CNOT10: variants seen among roughly 807,000 people sequenced by gnomAD.
CNOT10 encodes the protein CCR4-NOT transcription complex, subunit 10.
CNOT10 carries 30 observed loss-of-function variants against 94.6 expected under a neutral mutation model. The observed-to-expected ratio is 0.32, with a 90% CI of 0.24 to 0.43. The LOEUF is 0.43. Ranked by LOEUF, CNOT10 falls within the 20% of genes least tolerant of loss-of-function variation. The probability of loss-of-function intolerance (pLI) is 1.00; values close to 1 mark genes in which losing one functional copy is unlikely to be tolerated. For synonymous variants in CNOT10, 289 were observed against 301.6 expected, an observed-to-expected ratio of 0.96 and a Z score of 0.43; for missense variants, 759 against 877.2, an observed-to-expected ratio of 0.87 and a Z score of 1.70.
chr3:32,753,969 T>C, intron 13 of CNOT10: 1 of 778,802 alleles, frequency 1.3e-6, no homozygotes, highest in South Asian at 1.9e-5. Flanking sequence ...TGGAGGTGCA[T>C]GCTTGTAATC....
chr3:32,730,058 G>A (rs1412674702), intron 10 of CNOT10, among the ~76,000 whole-genome samples: 5 of 151,980 alleles, frequency 3.3e-5, no homozygotes, highest in Non-Finnish European at 2.9e-5. Flanking sequence ...GTGAGCCACC[G>A]CGCCCGGCCC....
At chr3:32,710,197 G>A (rs555557711) in intron 4 of CNOT10, among the ~76,000 whole-genome samples, 90 of 146,144 alleles carry the variant, frequency 6.2e-4, no homozygotes, top group African/African-American at 2.2e-3. Flanking sequence ...ATGAAATCCT[G>A]TTAATCTGCA....
At chr3:32,706,715 G>C (rs1575217634) in intron 3 of CNOT10, among the ~76,000 whole-genome samples, 2 of 152,244 alleles carry the variant, frequency 1.3e-5, no homozygotes, top group South Asian at 4.1e-4. Flanking sequence ...AGCTTTTCTG[G>C]CTAAACTCTT....
intron 12 of CNOT10, among the ~76,000 whole-genome samples, chr3:32,735,703 C>G (rs1417492549): frequency 6.6e-6 from 1 of 152,098 alleles, no homozygotes; most frequent in Non-Finnish European, 1.5e-5. Flanking sequence ...GAATGAGACT[C>G]CATCTCAAAA....
intron 4 of CNOT10, among the ~76,000 whole-genome samples, chr3:32,710,642 A>G (rs1295705320): frequency 6.6e-6 from 1 of 152,016 alleles, no homozygotes; most frequent in Non-Finnish European, 1.5e-5. Context: ...TCTACCTATA[A>G]CCACTGATCT....
chr3:32,720,169 G>T lies in CNOT10; in HGVS notation c.800G>T (p.Arg267Leu). 6.4e-7 allele frequency: 1 copy of T among 1,556,728 alleles called. No homozygotes were observed. Among genetic ancestry groups the T allele is most frequent in the South Asian group, 1.2e-5 (1 of 83,274 alleles). The stretch of plus-strand genomic sequence containing the variant: ...TTTGAGTACTTAAGAGGTAATTATC[G>T]AAAAGCCGTGAAGCTATTAAATAGT... Reference protein sequence around the residue: ...SNFEYLRGNYRKAVKLLNSSN... With the variant: ...SNFEYLRGNYLKAVKLLNSSN... Residue 267 changes from arginine (R) to leucine (L), a missense_variant, in exon 8 of 19, where the codon CGA becomes CTA. By Grantham distance (102) the Arg-to-Leu change is moderately radical (BLOSUM62 -2). This residue lies in a region of CNOT10 where 682 missense variants were observed against 799.4 expected (regional missense o/e 0.85). Coordinates refer to ENST00000328834, the MANE Select transcript of CNOT10 (RefSeq NM_015442.3).
At position 32,717,254 on chromosome 3, in the gene CNOT10, C is replaced by G; in HGVS notation, c.744+17C>G. The G allele has an allele frequency of 6.6e-7, 1 of 1,526,132 alleles. No individual in the cohort carries two copies. The highest frequency in any genetic ancestry group is 9.0e-7 in the Non-Finnish European group (1 of 1,108,190). The allele number at this position is 1,526,132 out of a possible 1,614,324, so 94.5% of individuals were successfully genotyped here. On this transcript the variant is annotated intron_variant, in intron 7 of 18. Coordinates refer to ENST00000328834, the MANE Select transcript of CNOT10 (RefSeq NM_015442.3). ...GCTGGAAATGTAAGTTTCTTCTGGACTTTTGTTTTTCAATTTGTGTCTTTC... is the reference window on the plus strand; with the variant it reads ...GCTGGAAATGTAAGTTTCTTCTGGAGTTTTGTTTTTCAATTTGTGTCTTTC...
intron 1 of CNOT10, chr3:32,695,430 T>A: frequency 2.9e-6 from 2 of 695,884 alleles, no homozygotes; most frequent in Non-Finnish European, 4.3e-6. Flanking sequence ...TTGGAAAAGT[T>A]TTCTTTTCTT....
chr3:32,727,905 C>G (rs770499445), intron 10 of CNOT10, 35 bp downstream of exon 10: 2 of 1,434,104 alleles, frequency 1.4e-6, no homozygotes, highest in Admixed American at 1.9e-5. Context: ...TAAACCCTGT[C>G]TTCTCCCCAC....
chr3:32,723,253 T>TCC (rs2125555828), intron 8 of CNOT10, among the ~76,000 whole-genome samples: 1 of 151,396 alleles, frequency 6.6e-6, no homozygotes, highest in South Asian at 2.1e-4. Flanking sequence ...ATTAGCCAGG[T>TCC]GTGGTGGCGG....
Position 32,754,637 on chromosome 3 carries a change from G to A in CNOT10, c.1596-4821G>A, listed in dbSNP as rs370627937. ...CGGGTTCAAGCAATTCTTCTGCCTCGACCTCCTGAGTAGCTGGGACTACAG... is the reference window on the plus strand; with the variant it reads ...CGGGTTCAAGCAATTCTTCTGCCTCAACCTCCTGAGTAGCTGGGACTACAG... On this transcript the variant is annotated intron_variant, in intron 13 of 18. Coordinates refer to ENST00000328834, the MANE Select transcript of CNOT10 (RefSeq NM_015442.3). Among the ~76,000 whole-genome samples, 24 of 137,384 alleles carry A rather than the reference G, an allele frequency of 1.7e-4. 1 individual carries two copies. The East Asian group carries it at 4.1e-3, about 23-fold the overall frequency. The allele number at this position is 137,384 out of a possible 152,430, so 90.1% of individuals were successfully genotyped here.
chr3:32,714,594 AACT>A (rs1420572822), intron 5 of CNOT10, among the ~76,000 whole-genome samples: 2 of 152,148 alleles, frequency 1.3e-5, no homozygotes, highest in Admixed American at 6.5e-5. Context: ...CTGTAATTCC[AACT>A]ACTCAGGAGG....
At chr3:32,698,687 A>G (rs1364585554) in intron 1 of CNOT10, among the ~76,000 whole-genome samples, 1 of 152,200 alleles carries the variant, frequency 6.6e-6, no homozygotes, top group Non-Finnish European at 1.5e-5. Flanking sequence ...TAATTATGTC[A>G]TATTGCCTTC....
At chr3:32,710,426 C>T (rs547707043) in intron 4 of CNOT10, among the ~76,000 whole-genome samples, 1 of 152,120 alleles carries the variant, frequency 6.6e-6, no homozygotes, top group East Asian at 1.9e-4. Context: ...TCCCTCATTA[C>T]CACAATCCCT....
chr3:32,690,444 G>A (rs964716141), intron 1 of CNOT10, among the ~76,000 whole-genome samples: 1 of 152,082 alleles, frequency 6.6e-6, no homozygotes, highest in Non-Finnish European at 1.5e-5. Context: ...GTGTGCAGTG[G>A]CACCATCATA....
At chr3:32,755,119 G>A (rs1221207280) in intron 13 of CNOT10, among the ~76,000 whole-genome samples, 1 of 150,658 alleles carries the variant, frequency 6.6e-6, no homozygotes, top group Middle Eastern at 3.4e-3. Flanking sequence ...GGTGGTGCAC[G>A]CCTGTAGTCC....
intron 1 of CNOT10, among the ~76,000 whole-genome samples, chr3:32,700,509 A>T (rs543933842): frequency 3.3e-5 from 5 of 152,210 alleles, no homozygotes; most frequent in Non-Finnish European, 5.9e-5. Flanking sequence ...TATGTTGAAA[A>T]TGATAGAATC....
intron 3 of CNOT10, among the ~76,000 whole-genome samples, chr3:32,707,620 A>C (rs1205750440): frequency 2.0e-5 from 3 of 152,116 alleles, no homozygotes. Flanking sequence ...CCTGGCCAAC[A>C]TGGTGAAACC....
At chr3:32,767,801 G>A (rs1486560550) in intron 17 of CNOT10, among the ~76,000 whole-genome samples, 4 of 152,106 alleles carry the variant, frequency 2.6e-5, no homozygotes, top group Non-Finnish European at 5.9e-5. Context: ...CAAGGCTAGG[G>A]TGTTGAGCAG....
Sources: allele counts gnomAD v4.1 joint callset (sites outside exome capture counted in the v4.1 genomes callset), GRCh38; gene constraint gnomAD v4.1.1; regional missense constraint gnomAD v4.1.1; transcripts MANE v1.5; gene names NCBI Gene and HGNC (gene_info 2026-07-23, HGNC 2026-07-21).